Variants in PRSS54 observed in about 807,000 individuals in gnomAD.
PRSS54 encodes the protein serine protease 54.
Under a neutral mutation model 19.9 loss-of-function variants are expected in PRSS54, and 16 were observed. The observed-to-expected ratio is 0.80, with a 90% confidence interval of 0.54 to 1.22. The LOEUF is 1.22. Ranked by LOEUF, PRSS54 falls within the 50% of genes most tolerant of loss-of-function variation. The pLI is 0.00. For synonymous variants in PRSS54, 177 were observed against 195.8 expected, an observed-to-expected ratio of 0.90 and a Z score of 0.80; for missense variants, 444 against 494.8, an observed-to-expected ratio of 0.90 and a Z score of 0.97.
chr16:58,287,520 C>T (rs925890481), intron 4 of PRSS54, among the ~76,000 whole-genome samples: 5 of 152,210 alleles, frequency 3.3e-5, no homozygotes, highest in Non-Finnish European at 7.3e-5. Context: ...AGCCAACCAG[C>T]AGCCAATACG....
chr16:58,293,201 G>T (rs1409866153), intron 3 of PRSS54, among the ~76,000 whole-genome samples: 2 of 152,102 alleles, frequency 1.3e-5, no homozygotes, highest in African/African-American at 2.4e-5. Flanking sequence ...GTGGGACAGA[G>T]CCTGCTTTAG....
chr16:58,286,958 A>G (rs984073702), intron 4 of PRSS54, among the ~76,000 whole-genome samples: 12 of 152,198 alleles, frequency 7.9e-5, no homozygotes, highest in African/African-American at 2.2e-4. Context: ...AAAGGAGAAT[A>G]GGGCCCACAG....
intron 3 of PRSS54, among the ~76,000 whole-genome samples, chr16:58,292,095 A>T (rs1345626463): frequency 6.6e-6 from 1 of 151,978 alleles, no homozygotes; most frequent in African/African-American, 2.4e-5. Flanking sequence ...TGCCCAGCTA[A>T]TTTTTCTATT....
At position 58,286,064 on chromosome 16, in the gene PRSS54, A is replaced by C. The variant is rs1252825950; in HGVS notation, c.395T>G (p.Leu132Arg). The change falls in exon 5 of 7, where the codon CTC becomes CGC. Residue 132 changes from leucine (L) to arginine (R), a missense_variant. By Grantham distance (102) the Leu-to-Arg change is moderately radical (BLOSUM62 -2). Transcript: ENST00000567164. ...ATGCATCGCTGTGTCTGTCTTCAGGAGGGCTATGTTGTTGCTCATGGAGTT... is the reference window on the plus strand; with the variant it reads ...ATGCATCGCTGTGTCTGTCTTCAGGCGGGCTATGTTGTTGCTCATGGAGTT... ...DNNSMSNNIA[L>R]LKTDTAMHFG... 2 of 1,614,206 alleles carry C rather than the reference A, an allele frequency of 1.2e-6. No homozygotes were observed. The highest frequency in any genetic ancestry group is 1.7e-6 in the Non-Finnish European group (2 of 1,180,034).
Position 58,286,028 on chromosome 16 carries a change from A to T in PRSS54, c.431T>A (p.Leu144Gln). 6.2e-7 allele frequency: 1 copy of T among 1,614,188 alleles called. No homozygotes were observed. Among genetic ancestry groups the T allele is most frequent in the Non-Finnish European group, 8.5e-7 (1 of 1,180,018 alleles). ...KTDTAMHFGNLVQSICFLGRM... is the reference protein window; with the variant it reads ...KTDTAMHFGNQVQSICFLGRM... ...GCCGAGGAAGCAGATGGACTGGACC[A>T]GGTTGCCAAAATGCATCGCTGTGTC... The change falls in exon 5 of 7, where the codon CTG (leucine) becomes CAG (glutamine). Residue 144 changes from leucine (L) to glutamine (Q), a missense_variant. Physicochemically the swap from Leu to Gln is moderately radical, Grantham distance 113 (BLOSUM62 -2). Transcript: ENST00000567164.
chr16:58,292,357 A>G (rs1965053880), intron 3 of PRSS54, among the ~76,000 whole-genome samples: 1 of 152,084 alleles, frequency 6.6e-6, no homozygotes, highest in African/African-American at 2.4e-5. Flanking sequence ...ATGGCCATAT[A>G]GAGGGATATG....
chr16:58,289,506 G>A (rs1964990972), intron 4 of PRSS54, among the ~76,000 whole-genome samples: 1 of 152,092 alleles, frequency 6.6e-6, no homozygotes, highest in East Asian at 1.9e-4. Flanking sequence ...AGTGACTGAG[G>A]GGCAGGGGAG....
At chr16:58,288,525 A>G (rs976239709) in intron 4 of PRSS54, among the ~76,000 whole-genome samples, 15 of 152,204 alleles carry the variant, frequency 9.9e-5, no homozygotes, top group African/African-American at 3.6e-4. Flanking sequence ...GGCCAGATAG[A>G]AAATAGCCAT....
chr16:58,286,712 A>G (rs72786160), intron 4 of PRSS54, among the ~76,000 whole-genome samples: 15,687 of 152,232 alleles, frequency 0.1, 894 homozygotes, highest in Admixed American at 0.13. Context: ...CACCCAAGAA[A>G]CTATGAGAAT....
chr16:58,285,368 C>T (rs1964890096), intron 5 of PRSS54: 1 of 160,296 alleles, frequency 6.2e-6, no homozygotes, highest in East Asian at 1.8e-4. Flanking sequence ...CACTTGTATT[C>T]ATTCCAGGGT....
At chr16:58,293,535 G>A in intron 3 of PRSS54, 197 bp downstream of exon 3, 1 of 985,394 alleles carries the variant, frequency 1.0e-6, no homozygotes, top group Non-Finnish European at 1.2e-6. Context: ...CCTGACTTTA[G>A]TTTCCTCCAT....
chr16:58,289,973 C>A (rs954484022), intron 4 of PRSS54, among the ~76,000 whole-genome samples: 1 of 151,722 alleles, frequency 6.6e-6, no homozygotes, highest in Non-Finnish European at 1.5e-5. Context: ...TTTATTTAGC[C>A]AATTATAGTC....
chr16:58,287,949 A>G (rs1964953636), intron 4 of PRSS54, among the ~76,000 whole-genome samples: 1 of 152,216 alleles, frequency 6.6e-6, no homozygotes. Context: ...GCCCAATTTT[A>G]TATATTGAAT....
chr16:58,294,577 G>A (rs1965105828), intron 1 of PRSS54, among the ~76,000 whole-genome samples: 1 of 151,956 alleles, frequency 6.6e-6, no homozygotes, highest in Non-Finnish European at 1.5e-5. Flanking sequence ...ATGGGGTTTC[G>A]TCACGTTGGC....
chr16:58,280,827 A>G (rs1964707899), intron 6 of PRSS54, 70 bp from the exon 7 acceptor site: 3 of 1,394,386 alleles, frequency 2.2e-6, no homozygotes, highest in Non-Finnish European at 1.9e-6. Context: ...TCCTTGTGCA[A>G]TATACTGTTT....
intron 2 of PRSS54, 64 bp from the exon 3 acceptor site, chr16:58,293,886 CT>C: frequency 1.5e-6 from 2 of 1,344,624 alleles, no homozygotes; most frequent in Non-Finnish European, 2.1e-6. Context: ...TTCTATGCCT[CT>C]TTTTTCCATC....
At position 58,286,025 on chromosome 16, in the gene PRSS54, ACCAGGTTG is replaced by A. The variant is rs778834499; in HGVS notation, c.426_433del (p.Asn143ProfsTer48). ...TCTGCCGAGGAAGCAGATGGACTGG[ACCAGGTTG>A]CCAAAATGCATCGCTGTGTCTGTCT... On this transcript the variant is annotated frameshift_variant, in exon 5 of 7. Coordinates refer to ENST00000567164, the MANE Select transcript of PRSS54 (RefSeq NM_001305173.2). The A allele has an allele frequency of 8.7e-6, 14 of 1,614,082 alleles. No individual in the cohort carries two copies. Among genetic ancestry groups the A allele is most frequent in the Non-Finnish European group, 1.2e-5 (14 of 1,180,040 alleles).
intron 1 of PRSS54, 32 bp from the exon 2 acceptor site, chr16:58,294,241 GC>G (rs1438987182): frequency 5.2e-6 from 1 of 192,732 alleles, no homozygotes; most frequent in Non-Finnish European, 1.1e-5. Context: ...TTTAGTGGAA[GC>G]CCACCCTGGG....
intron 4 of PRSS54, among the ~76,000 whole-genome samples, chr16:58,289,690 G>A (rs886126604): frequency 1.3e-5 from 2 of 151,818 alleles, no homozygotes; most frequent in Admixed American, 6.6e-5. Context: ...TCCTATCTCG[G>A]CCTTCCGAGT....
Sources: gnomAD v4.1 joint callset for allele counts (sites outside exome capture counted in the v4.1 genomes callset) on GRCh38, gnomAD v4.1.1 for gene constraint, MANE v1.5 for transcripts, NCBI Gene and HGNC (gene_info 2026-07-23, HGNC 2026-07-21) for gene names.